GRIN2B: variants seen among roughly 807,000 people sequenced by gnomAD.
The protein encoded by GRIN2B is glutamate receptor ionotropic, NMDA 2B.
Under a neutral mutation model 114.5 loss-of-function variants are expected in GRIN2B, and 5 were observed. The observed-to-expected ratio is 0.04, with a 90% CI of 0.02 to 0.09. The LOEUF (loss-of-function observed/expected upper bound fraction) is 0.09, where lower values mean the gene tolerates loss of function less well. Among genes scored for constraint, GRIN2B ranks in the 10% least tolerant of loss-of-function variants. GRIN2B has a pLI of 1.00. For synonymous variants in GRIN2B, 787 were observed against 745.1 expected, an observed-to-expected ratio of 1.06 and a Z score of -0.92; for missense variants, 1,108 against 1,943.5, an observed-to-expected ratio of 0.57 and a Z score of 8.08.
intron 5 of GRIN2B, among the ~76,000 whole-genome samples, chr12:13,666,553 G>C (rs1949977959): frequency 6.6e-6 from 1 of 152,126 alleles, no homozygotes; most frequent in Non-Finnish European, 1.5e-5. Context: ...TTTTTATTAA[G>C]AGCTTTTATT....
At chr12:13,968,598 A>G (rs1165161355) in intron 2 of GRIN2B, among the ~76,000 whole-genome samples, 1 of 152,232 alleles carries the variant, frequency 6.6e-6, no homozygotes, top group Admixed American at 6.5e-5. Context: ...TGCATGTGGT[A>G]AAGTTAAGGC....
At chr12:13,871,430 A>G (rs1865904836) in intron 2 of GRIN2B, among the ~76,000 whole-genome samples, 1 of 151,968 alleles carries the variant, frequency 6.6e-6, no homozygotes, top group African/African-American at 2.4e-5. Flanking sequence ...AAAGGAAATC[A>G]TAAGGGAAAC....
In GRIN2B at chr12:13,761,589, C is replaced by T. The variant is rs150479197; in HGVS notation, c.412-7674G>A. Among the ~76,000 whole-genome samples the T allele has an allele frequency of 9.6e-3, 1,462 of 152,242 alleles. 12 individuals carry two copies. The highest frequency in any genetic ancestry group is 0.013 in the Non-Finnish European group (908 of 68,004). The stretch of plus-strand genomic sequence containing the variant: ...GTGTTTGTGCCCCTTTGTAAGGTAT[C>T]GGGACCACTAAAATCTTAACAAGAC... On this transcript the variant is annotated intron_variant, in intron 3 of 13. Coordinates refer to ENST00000609686, the MANE Select transcript of GRIN2B (RefSeq NM_000834.5).
At chr12:13,722,733 T>C (rs1862903481) in intron 4 of GRIN2B, among the ~76,000 whole-genome samples, 1 of 152,116 alleles carries the variant, frequency 6.6e-6, no homozygotes, top group Non-Finnish European at 1.5e-5. Context: ...CTGGGCTGAC[T>C]CGAGTGACGA....
At chr12:13,660,011 C>A (rs2136525773) in intron 5 of GRIN2B, among the ~76,000 whole-genome samples, 1 of 152,284 alleles carries the variant, frequency 6.6e-6, no homozygotes, top group East Asian at 1.9e-4. Flanking sequence ...CCCCAGTCCT[C>A]ATCTGTTGCT....
intron 4 of GRIN2B, among the ~76,000 whole-genome samples, chr12:13,726,024 T>A (rs916851421): frequency 1.3e-5 from 2 of 152,190 alleles, no homozygotes; most frequent in Admixed American, 6.5e-5. Context: ...TTTCTACCCA[T>A]GAATTTCTAC....
chr12:13,824,472 C>T (rs967922984), intron 3 of GRIN2B, among the ~76,000 whole-genome samples: 2 of 152,058 alleles, frequency 1.3e-5, no homozygotes. Flanking sequence ...GTGATATCCC[C>T]CTTTCTTGCC....
chr12:13,898,076 A>G (rs1022401347), intron 2 of GRIN2B, among the ~76,000 whole-genome samples: 13 of 152,028 alleles, frequency 8.6e-5, no homozygotes, highest in African/African-American at 3.1e-4. Flanking sequence ...AACAAGGCTT[A>G]TTGTTAATGA....
At chr12:13,677,582 T>C (rs112594014) in intron 4 of GRIN2B, among the ~76,000 whole-genome samples, 1 of 152,168 alleles carries the variant, frequency 6.6e-6, no homozygotes, top group African/African-American at 2.4e-5. Flanking sequence ...TCAACTAGCC[T>C]ACCACTTCTT....
rs1336665281 is a variant in GRIN2B, at chr12:13,551,938, A to C, written c.*10845T>G. 1 of 152,176 alleles carries C rather than the reference A, an allele frequency of 6.6e-6. No individual in the cohort carries two copies. The highest frequency in any genetic ancestry group is 1.9e-4 in the East Asian group (1 of 5,202). The allele number at this position is 152,176 out of a possible 1,614,324, so 9.4% of individuals were successfully genotyped here. A position where few individuals can be genotyped will look rare whatever the true frequency, so the allele number is the denominator to read the frequency against. The stretch of plus-strand genomic sequence containing the variant: ...TGCAAGACTGTTCTGAATAGGGCTG[A>C]AGTTTTAGGCAGGCATGTTTTGTTT... On this transcript the variant is annotated 3_prime_UTR_variant, in exon 14 of 14. Coordinates refer to ENST00000609686, the MANE Select transcript of GRIN2B (RefSeq NM_000834.5).
At chr12:13,936,172 A>G (rs1322320428) in intron 2 of GRIN2B, among the ~76,000 whole-genome samples, 3 of 152,300 alleles carry the variant, frequency 2.0e-5, no homozygotes, top group Non-Finnish European at 2.9e-5. Context: ...AAGACTTCCA[A>G]GATTTTCTAG....
chr12:13,596,795 C>T (rs1256986256), intron 10 of GRIN2B, among the ~76,000 whole-genome samples: 1 of 152,248 alleles, frequency 6.6e-6, no homozygotes, highest in African/African-American at 2.4e-5. Context: ...AACAAGGTCT[C>T]TTCAAGGTTC....
At chr12:13,700,461 A>AC (rs1012699456) in intron 4 of GRIN2B, among the ~76,000 whole-genome samples, 2 of 151,874 alleles carry the variant, frequency 1.3e-5, no homozygotes, top group African/African-American at 4.8e-5. Context: ...CTTCCCCCAT[A>AC]CCCCCACTAC....
intron 4 of GRIN2B, among the ~76,000 whole-genome samples, chr12:13,710,612 G>T (rs536319027): frequency 1.5e-4 from 23 of 152,208 alleles, no homozygotes; most frequent in Non-Finnish European, 3.2e-4. Context: ...CAAATCATGA[G>T]TGAACTCCCA....
chr12:13,600,772 G>T (rs145291113), intron 10 of GRIN2B, among the ~76,000 whole-genome samples: 1 of 152,142 alleles, frequency 6.6e-6, no homozygotes, highest in Non-Finnish European at 1.5e-5. Context: ...CTACTAAAAG[G>T]CCTCGTAGAA....
chr12:13,711,335 A>G (rs1950412219), intron 4 of GRIN2B, among the ~76,000 whole-genome samples: 1 of 152,144 alleles, frequency 6.6e-6, no homozygotes, highest in Admixed American at 6.6e-5. Context: ...CTTCATGTCT[A>G]AAACACCAAA....
chr12:13,848,794 C>T (rs1234298830), intron 3 of GRIN2B, among the ~76,000 whole-genome samples: 1 of 152,180 alleles, frequency 6.6e-6, no homozygotes, highest in African/African-American at 2.4e-5. Flanking sequence ...TGGAATACAC[C>T]AACGTGAGAG....
chr12:13,735,661 C>G (rs1863163688), intron 4 of GRIN2B, among the ~76,000 whole-genome samples: 1 of 152,216 alleles, frequency 6.6e-6, no homozygotes, highest in Admixed American at 6.5e-5. Flanking sequence ...CCCAACAGGG[C>G]TCTGCTCAGG....
chr12:13,851,575 G>A (rs1434303917), intron 3 of GRIN2B, among the ~76,000 whole-genome samples: 1 of 152,142 alleles, frequency 6.6e-6, no homozygotes, highest in Non-Finnish European at 1.5e-5. Context: ...TTGGGTATGA[G>A]GCCAGAGTAC....
Sources: gnomAD v4.1 joint callset for allele counts (sites outside exome capture counted in the v4.1 genomes callset) on GRCh38, gnomAD v4.1.1 for gene constraint, MANE v1.5 for transcripts, NCBI Gene and HGNC (gene_info 2026-07-23, HGNC 2026-07-21) for gene names.